FSTL5: variants seen among roughly 807,000 people sequenced by gnomAD.
The protein encoded by FSTL5 is follistatin-related protein 5.
FSTL5 carries 62 observed loss-of-function variants against 89.1 expected under a neutral mutation model. The ratio of observed to expected loss-of-function variants is 0.70; its 90% CI spans 0.57 to 0.86. FSTL5 has a LOEUF of 0.86. Among genes scored for constraint, FSTL5 ranks in the 40% least tolerant of loss-of-function variants. The pLI is 0.00. For synonymous variants in FSTL5, 383 were observed against 346.2 expected (o/e 1.11, Z -1.18); for missense variants, 1,057 against 1,001.6 (o/e 1.06, Z -0.75).
intron 2 of FSTL5, among the ~76,000 whole-genome samples, chr4:162,086,222 C>A (rs1269712254): frequency 6.6e-6 from 1 of 151,922 alleles, no homozygotes; most frequent in East Asian, 1.9e-4. Context: ...AGAAAAAATA[C>A]ACTCTCTGAA....
At chr4:161,488,775 C>T (rs1163197326) in intron 12 of FSTL5, among the ~76,000 whole-genome samples, 1 of 151,924 alleles carries the variant, frequency 6.6e-6, no homozygotes, top group African/African-American at 2.4e-5. Flanking sequence ...TAACAGTCTA[C>T]ATGTTTTTGA....
chr4:161,632,299 G>C (rs1735529543), intron 7 of FSTL5, among the ~76,000 whole-genome samples: 1 of 152,172 alleles, frequency 6.6e-6, no homozygotes, highest in African/African-American at 2.4e-5. Flanking sequence ...AGAATCTCTT[G>C]AACCCGGGTG....
At chr4:161,796,485 C>T (rs1317180028) in intron 4 of FSTL5, among the ~76,000 whole-genome samples, 1 of 151,734 alleles carries the variant, frequency 6.6e-6, no homozygotes, top group Non-Finnish European at 1.5e-5. Context: ...CTTAATCCTA[C>T]ATAAACAGAT....
intron 4 of FSTL5, among the ~76,000 whole-genome samples, chr4:161,808,267 A>G (rs1730028839): frequency 6.6e-6 from 1 of 151,226 alleles, no homozygotes; most frequent in Non-Finnish European, 1.5e-5. Flanking sequence ...AGGGATTTCT[A>G]AAAAAAAATC....
rs545010870 is a variant in FSTL5, at chr4:161,400,425, T to C, written c.1842-13976A>G. Among the ~76,000 whole-genome samples the C allele has an allele frequency of 2.0e-5, 3 of 152,196 alleles. No individual in the cohort carries two copies. In the Middle Eastern group the frequency reaches 0.01, roughly 518 times the overall value. On this transcript the variant is annotated intron_variant, in intron 15 of 15. Coordinates refer to ENST00000306100, the MANE Select transcript of FSTL5 (RefSeq NM_020116.5). ...AAATATACATTTCTAAGAATCCAGA[T>C]ATATGTGCAGACTGTACTTGATGCT...
chr4:161,814,825 C>T (rs752107263), intron 4 of FSTL5, among the ~76,000 whole-genome samples: 4 of 152,014 alleles, frequency 2.6e-5, no homozygotes, highest in Non-Finnish European at 4.4e-5. Context: ...TTTATTAATT[C>T]TCCATGATGA....
chr4:162,063,315 G>A (rs188038947), intron 2 of FSTL5, among the ~76,000 whole-genome samples: 5 of 151,716 alleles, frequency 3.3e-5, no homozygotes, highest in East Asian at 3.9e-4. Context: ...CCTTTCCAAT[G>A]AAGTTTTATA....
At chr4:162,128,545 T>G (rs956860060) in intron 1 of FSTL5, among the ~76,000 whole-genome samples, 1 of 152,178 alleles carries the variant, frequency 6.6e-6, no homozygotes, top group Admixed American at 6.5e-5. Context: ...AGATCTGCAT[T>G]AATATTAGGC....
At chr4:161,674,487 G>A (rs1310042363) in intron 6 of FSTL5, among the ~76,000 whole-genome samples, 1 of 152,044 alleles carries the variant, frequency 6.6e-6, no homozygotes, top group African/African-American at 2.4e-5. Context: ...TACATTGTCT[G>A]CATCACTTTT....
intron 2 of FSTL5, among the ~76,000 whole-genome samples, chr4:162,082,063 ATTATT>A (rs1483039545): frequency 1.3e-5 from 2 of 151,786 alleles, no homozygotes; most frequent in Non-Finnish European, 3.0e-5. Context: ...TAAAAATAGA[ATTATT>A]TTAATACCAT....
At chr4:161,949,081 T>A (rs1578885204) in intron 3 of FSTL5, among the ~76,000 whole-genome samples, 1 of 152,066 alleles carries the variant, frequency 6.6e-6, no homozygotes, top group Non-Finnish European at 1.5e-5. Context: ...TAGGGGAGAA[T>A]CTGTTTCCTT....
intron 3 of FSTL5, among the ~76,000 whole-genome samples, chr4:161,968,907 C>T (rs985924871): frequency 6.6e-6 from 1 of 150,618 alleles, no homozygotes; most frequent in Non-Finnish European, 1.5e-5. Context: ...ATTATTATGT[C>T]TGCTACTACC....
chr4:161,706,919 A>G (rs1433287185), intron 6 of FSTL5, among the ~76,000 whole-genome samples: 1 of 151,986 alleles, frequency 6.6e-6, no homozygotes, highest in Admixed American at 6.6e-5. Context: ...AACTAATAGG[A>G]CAATATTTCA....
chr4:161,882,140 T>C (rs1007425987), intron 4 of FSTL5, among the ~76,000 whole-genome samples: 5 of 152,102 alleles, frequency 3.3e-5, no homozygotes, highest in African/African-American at 7.2e-5. Flanking sequence ...CAATCTAATA[T>C]ATTAAAGCCC....
chr4:161,675,543 C>CATTT lies in FSTL5; in HGVS notation c.728-19050_728-19049insAAAT, dbSNP rs562374854. On this transcript the variant is annotated intron_variant, in intron 6 of 15. Coordinates refer to ENST00000306100, the MANE Select transcript of FSTL5 (RefSeq NM_020116.5). Reference sequence around the variant, plus strand: ...TTCATTTTTTATTTATCAAAATTCTCAGTAATTTTAAAAAACAGAGAATTA... The same window carrying CATTT: ...TTCATTTTTTATTTATCAAAATTCTCATTTAGTAATTTTAAAAAACAGAGAATTA... Among the ~76,000 whole-genome samples, 904 of 132,564 alleles carry CATTT rather than the reference C, an allele frequency of 6.8e-3. 10 individuals carry two copies. Among genetic ancestry groups the CATTT allele is most frequent in the South Asian group, 0.051 (218 of 4,256 alleles). 87.0% of individuals were successfully genotyped at this position (132,564 alleles called of 152,430 possible).
chr4:161,730,169 G>A (rs1340793909), intron 6 of FSTL5, among the ~76,000 whole-genome samples: 1 of 152,008 alleles, frequency 6.6e-6, no homozygotes, highest in Non-Finnish European at 1.5e-5. Context: ...TTCTCTGTGT[G>A]TATTTAAGCT....
intron 2 of FSTL5, among the ~76,000 whole-genome samples, chr4:162,064,111 G>T (rs1047846933): frequency 2.6e-5 from 4 of 151,142 alleles, no homozygotes; most frequent in African/African-American, 9.7e-5. Flanking sequence ...CCTTCTCTTG[G>T]TCTCCCCGAA....
intron 2 of FSTL5, among the ~76,000 whole-genome samples, chr4:162,089,882 T>A (rs899309549): frequency 1.3e-5 from 2 of 152,142 alleles, no homozygotes; most frequent in Admixed American, 6.5e-5. Context: ...TTAAGGTTTA[T>A]AAAATTACCA....
At chr4:161,994,138 C>T (rs922358058) in intron 3 of FSTL5, among the ~76,000 whole-genome samples, 5 of 152,138 alleles carry the variant, frequency 3.3e-5, no homozygotes, top group African/African-American at 7.2e-5. Flanking sequence ...TAAGTGAGAA[C>T]ATGTGGTATT....
Sources: allele counts gnomAD v4.1 joint callset (sites outside exome capture counted in the v4.1 genomes callset), GRCh38; gene constraint gnomAD v4.1.1; transcripts MANE v1.5; gene names NCBI Gene and HGNC (gene_info 2026-07-23, HGNC 2026-07-21).